The following CCNJ variants were observed in gnomAD, a reference collection of about 807,000 sequenced individuals.
CCNJ encodes the protein cyclin J.
CCNJ carries 12 observed loss-of-function variants against 41.4 expected under a neutral mutation model. The ratio of observed to expected loss-of-function variants is 0.29; its 90% CI spans 0.19 to 0.47. The LOEUF is 0.47. Among genes scored for constraint, CCNJ ranks in the 20% least tolerant of loss-of-function variants. The pLI is 1.00. For missense variants in CCNJ, 340 were observed against 464.6 expected (o/e 0.73, Z 2.47); for synonymous variants, 161 against 173.4 (o/e 0.93, Z 0.56).
chr10:96,050,678 C>T (rs186692919), intron 3 of CCNJ, among the ~76,000 whole-genome samples: 17 of 152,214 alleles, frequency 1.1e-4, no homozygotes, highest in African/African-American at 3.9e-4. Flanking sequence ...GTGCCTAAGC[C>T]GTACATTCTC....
chr10:96,043,852 G>T (rs999071797), intron 1 of CCNJ, 133 bp downstream of exon 1: 3 of 381,082 alleles, frequency 7.9e-6, no homozygotes, highest in Non-Finnish European at 9.3e-6. Flanking sequence ...CGCGCGGAAC[G>T]TGCGTTTCTC....
chr10:96,058,435 C>T lies in CCNJ; in HGVS notation c.*194C>T. ...GAGACTAAGCAAATTAACAGTATGT[C>T]AAATTCTGTTACAACAAATCCCTGT... On this transcript the variant is annotated 3_prime_UTR_variant, in exon 6 of 6. Transcript: ENST00000465148. 1 of 548,560 alleles carries T rather than the reference C, an allele frequency of 1.8e-6. No homozygotes were observed. Among genetic ancestry groups the T allele is most frequent in the South Asian group, 2.7e-5 (1 of 36,406 alleles). 34.0% of individuals were successfully genotyped at this position (548,560 alleles called of 1,614,324 possible).
chr10:96,053,481 G>T (rs2080590194), intron 3 of CCNJ, among the ~76,000 whole-genome samples: 1 of 152,072 alleles, frequency 6.6e-6, no homozygotes, highest in Non-Finnish European at 1.5e-5. Context: ...TAAAGGTTTT[G>T]ACCTATTTCA....
chr10:96,055,975 T>G (rs2080674818), intron 3 of CCNJ, among the ~76,000 whole-genome samples: 1 of 152,250 alleles, frequency 6.6e-6, no homozygotes, highest in Non-Finnish European at 1.5e-5. Context: ...TTAACTATTT[T>G]TTATTTCAGA....
chr10:96,049,792 A>T (rs981639270), intron 2 of CCNJ, among the ~76,000 whole-genome samples: 7 of 152,210 alleles, frequency 4.6e-5, no homozygotes, highest in Non-Finnish European at 1.0e-4. Flanking sequence ...AAGATACTAG[A>T]GGAAAGGTAC....
intron 2 of CCNJ, among the ~76,000 whole-genome samples, chr10:96,048,267 T>C (rs1370491779): frequency 1.3e-5 from 2 of 152,198 alleles, no homozygotes; most frequent in Admixed American, 6.5e-5. Flanking sequence ...GTCTTTATAG[T>C]AGAATGATTT....
intron 5 of CCNJ, 108 bp downstream of exon 5, chr10:96,057,355 C>A: frequency 1.1e-6 from 1 of 931,552 alleles, no homozygotes; most frequent in Non-Finnish European, 1.7e-6. Flanking sequence ...AGGTTATTTG[C>A]TTTTGGCAGC....
intron 3 of CCNJ, among the ~76,000 whole-genome samples, chr10:96,056,294 G>A (rs879288128): frequency 1.4e-3 from 203 of 149,748 alleles, no homozygotes; most frequent in African/African-American, 4.1e-3. Context: ...GGGCGACAGA[G>A]CAAGACTCCA....
Position 96,059,310 on chromosome 10 carries a change from T to A in CCNJ, c.*1069T>A, listed in dbSNP as rs1372310577. 6.6e-6 allele frequency: 1 copy of A among 152,650 alleles called. No individual in the cohort carries two copies. Among genetic ancestry groups the A allele is most frequent in the East Asian group, 1.9e-4 (1 of 5,202 alleles). 9.5% of individuals were successfully genotyped at this position (152,650 alleles called of 1,614,324 possible). A position where few individuals can be genotyped will look rare whatever the true frequency, so the allele number is the denominator to read the frequency against. ...CTCAGGTTGTGCTAGAGCAGCACTT[T>A]GTTATGTGGAAGACAGGTTTTTTAA... is the stretch of plus-strand genomic sequence containing the variant. On this transcript the variant is annotated 3_prime_UTR_variant, in exon 6 of 6. Transcript: ENST00000465148.
chr10:96,045,127 G>T (rs1045660486), intron 2 of CCNJ, among the ~76,000 whole-genome samples: 3 of 152,166 alleles, frequency 2.0e-5, no homozygotes, highest in African/African-American at 7.2e-5. Flanking sequence ...GCAGAAAGTA[G>T]ACTTAATAGA....
At chr10:96,050,929 T>C (rs2080503790) in intron 3 of CCNJ, among the ~76,000 whole-genome samples, 1 of 152,182 alleles carries the variant, frequency 6.6e-6, no homozygotes, top group African/African-American at 2.4e-5. Flanking sequence ...ATCTAGTACA[T>C]AGAGGCCTGG....
rs2080790745 is a variant in CCNJ, at chr10:96,060,377, AAC to A, written c.*2139_*2140del. Reference sequence around the variant, plus strand: ...ATGCCTTTTAAAAAAGCTTATTAATAACACTTTCCCAATTTATATTTTAAAAA... The same window carrying A: ...ATGCCTTTTAAAAAAGCTTATTAATAACTTTCCCAATTTATATTTTAAAAA... On this transcript the variant is annotated 3_prime_UTR_variant, in exon 6 of 6. Coordinates refer to ENST00000465148, the MANE Select transcript of CCNJ (RefSeq NM_001134375.2). 6.6e-6 allele frequency: 1 copy of A among 152,642 alleles called. No individual in the cohort carries two copies. The highest frequency in any genetic ancestry group is 1.5e-5 in the Non-Finnish European group (1 of 68,040). The allele number at this position is 152,642 out of a possible 1,614,324, so 9.5% of individuals were successfully genotyped here.
chr10:96,057,297 CA>C lies in CCNJ; in HGVS notation c.740+51del, dbSNP rs1434389988. On this transcript the variant is annotated intron_variant, in intron 5 of 5. Transcript: ENST00000465148. Reference sequence around the variant, plus strand: ...GTACTTTCTCATTAACAGTTTTCTTCATGTATGAGGTGCCCTGAAAACAGCT... The same window carrying C: ...GTACTTTCTCATTAACAGTTTTCTTCTGTATGAGGTGCCCTGAAAACAGCT... 3.3e-6 allele frequency: 5 copies of C among 1,526,504 alleles called. No homozygotes were observed. The Admixed American group carries it at 6.8e-5, about 21-fold the overall frequency. The allele number at this position is 1,526,504 out of a possible 1,614,324, so 94.6% of individuals were successfully genotyped here.
chr10:96,050,184 A>G, intron 2 of CCNJ, 72 bp from the exon 3 acceptor site: 1 of 1,001,204 alleles, frequency 1.0e-6, no homozygotes. Context: ...TTGGAAAAAC[A>G]ATGTTAAGTC....
rs1564709214 is a variant in CCNJ at position 96,058,397 on chromosome 10, C to A, written c.*156C>A. On this transcript the variant is annotated 3_prime_UTR_variant, in exon 6 of 6. Coordinates refer to ENST00000465148, the MANE Select transcript of CCNJ (RefSeq NM_001134375.2). ...AAGACTGAATATCCTTTTTAATGCA[C>A]CATGAATCCTGGGAGACTAAGCAAA... is the stretch of plus-strand genomic sequence containing the variant. 1 of 604,690 alleles carries A rather than the reference C, an allele frequency of 1.7e-6. No homozygotes were observed. Among genetic ancestry groups the A allele is most frequent in the Non-Finnish European group, 2.9e-6 (1 of 345,058 alleles). The allele number at this position is 604,690 out of a possible 1,614,324, so 37.5% of individuals were successfully genotyped here. A position where few individuals can be genotyped will look rare whatever the true frequency, so the allele number is the denominator to read the frequency against.
intron 2 of CCNJ, among the ~76,000 whole-genome samples, chr10:96,047,622 G>C (rs1282525802): frequency 6.6e-6 from 1 of 152,128 alleles, no homozygotes; most frequent in Non-Finnish European, 1.5e-5. Flanking sequence ...TGGGCTACAG[G>C]AAACCCTGTC....
chr10:96,043,454 T>G (rs2080268104), upstream of CCNJ: 2 of 382,226 alleles, frequency 5.2e-6, no homozygotes, highest in Non-Finnish European at 9.3e-6. Context: ...GCGCTGCACC[T>G]GGGCCCGGCC....
intron 3 of CCNJ, among the ~76,000 whole-genome samples, chr10:96,055,430 C>G (rs571471473): frequency 6.6e-6 from 1 of 152,154 alleles, no homozygotes; most frequent in East Asian, 1.9e-4. Context: ...AACAAAGACC[C>G]AAAGAGGCTT....
rs544648141 is a variant in CCNJ at position 96,044,074 on chromosome 10, C to T, written c.-41-279C>T. Among the ~76,000 whole-genome samples the T allele has an allele frequency of 3.7e-3, 567 of 152,340 alleles. 1 individual carries two copies. The highest frequency in any genetic ancestry group is 8.7e-3 in the South Asian group (42 of 4,834). On this transcript the variant is annotated intron_variant, in intron 1 of 5. Coordinates refer to ENST00000465148, the MANE Select transcript of CCNJ (RefSeq NM_001134375.2). The stretch of plus-strand genomic sequence containing the variant: ...TCCCCCAGCTCTTCCCGAGCTCGCA[C>T]CTGGCTCCGCGCTTTGGCAACTCAG...
Sources: gnomAD v4.1 joint callset for allele counts (sites outside exome capture counted in the v4.1 genomes callset) on GRCh38, gnomAD v4.1.1 for gene constraint, MANE v1.5 for transcripts, NCBI Gene and HGNC (gene_info 2026-07-23, HGNC 2026-07-21) for gene names.